NECAP2: variants seen among roughly 807,000 people sequenced by gnomAD.
NECAP2 encodes NECAP endocytosis associated 2.
A neutral mutation model predicts 37.8 loss-of-function variants in NECAP2; 38 were observed. The observed-to-expected ratio is 1.01, with a 90% CI of 0.78 to 1.32. The LOEUF (loss-of-function observed/expected upper bound fraction) is 1.32, where lower values mean the gene tolerates loss of function less well. NECAP2 is among the 40% of genes most tolerant of loss of function. The pLI is 0.00. For synonymous variants in NECAP2, 121 were observed against 127.7 expected, an observed-to-expected ratio of 0.95 and a Z score of 0.35; for missense variants, 316 against 334.5, an observed-to-expected ratio of 0.94 and a Z score of 0.43.
At chr1:16,449,418 A>C in intron 5 of NECAP2, 1 of 507,366 alleles carries the variant, frequency 2.0e-6, no homozygotes. Context: ...TGATAACAAC[A>C]TGGCAGGAAA....
At chr1:16,444,053 G>A (rs2086726491) in intron 2 of NECAP2, among the ~76,000 whole-genome samples, 1 of 152,208 alleles carries the variant, frequency 6.6e-6, no homozygotes, top group South Asian at 2.1e-4. Context: ...AAGACAGGCG[G>A]GTGAGGATGC....
intron 2 of NECAP2, 81 bp downstream of exon 2, chr1:16,443,813 T>A (rs1351726820): frequency 1.1e-5 from 12 of 1,082,914 alleles, no homozygotes; most frequent in Non-Finnish European, 1.7e-5. Flanking sequence ...CTGGCCAGGC[T>A]GCTCAGGGGT....
At chr1:16,455,018 C>T (rs944968477) in intron 6 of NECAP2, among the ~76,000 whole-genome samples, 2 of 152,178 alleles carry the variant, frequency 1.3e-5, no homozygotes, top group African/African-American at 4.8e-5. Context: ...TCCCTAGGGG[C>T]TGGGGTGAGG....
At chr1:16,452,192 C>T (rs901038802) in intron 6 of NECAP2, among the ~76,000 whole-genome samples, 177 bp downstream of exon 6, 1 of 152,220 alleles carries the variant, frequency 6.6e-6, no homozygotes, top group Non-Finnish European at 1.5e-5. Context: ...AGGGGCTCCT[C>T]CTACTTGGCC....
intron 1 of NECAP2, among the ~76,000 whole-genome samples, chr1:16,443,091 G>A (rs1557684716): frequency 6.6e-6 from 1 of 152,056 alleles, no homozygotes; most frequent in African/African-American, 2.4e-5. Flanking sequence ...TCAAATGGTC[G>A]CTCTGACTGC....
At chr1:16,442,604 T>G (rs1404280849) in intron 1 of NECAP2, among the ~76,000 whole-genome samples, 1 of 152,226 alleles carries the variant, frequency 6.6e-6, no homozygotes, top group Non-Finnish European at 1.5e-5. Flanking sequence ...GACCTTTTCT[T>G]AGAACTAAAA....
intron 2 of NECAP2, among the ~76,000 whole-genome samples, chr1:16,447,087 T>G (rs1237482006): frequency 6.8e-6 from 1 of 146,502 alleles, no homozygotes; most frequent in Non-Finnish European, 1.5e-5. Context: ...AAGGTATAAA[T>G]CAAATTCCTG....
intron 1 of NECAP2, 65 bp downstream of exon 1, chr1:16,440,918 C>A: frequency 1.4e-6 from 2 of 1,411,898 alleles, no homozygotes; most frequent in Non-Finnish European, 2.0e-6. Context: ...CCGGACACAC[C>A]CACTGCGGGA....
Position 16,459,163 on chromosome 1 carries a change from C to T in NECAP2, c.*273C>T. ...ATCTGTCCTCTTGATGTGAGAGAGA[C>T]TCTGAGACTTCTTCCATCGCAATGA... On this transcript the variant is annotated 3_prime_UTR_variant, in exon 8 of 8. Coordinates refer to ENST00000337132, the MANE Select transcript of NECAP2 (RefSeq NM_018090.5). 1 of 620,244 alleles carries T rather than the reference C, an allele frequency of 1.6e-6. No homozygotes were observed. The highest frequency in any genetic ancestry group is 3.1e-5 in the Admixed American group (1 of 31,930). 38.4% of individuals were successfully genotyped at this position (620,244 alleles called of 1,614,324 possible).
At chr1:16,442,229 C>T (rs535952409) in intron 1 of NECAP2, among the ~76,000 whole-genome samples, 9 of 152,234 alleles carry the variant, frequency 5.9e-5, no homozygotes, top group Non-Finnish European at 2.9e-5. Context: ...CCACTCGCCT[C>T]GGCCTCCCAA....
At chr1:16,448,359 G>A (rs1019235543) in intron 4 of NECAP2, 6 of 586,506 alleles carry the variant, frequency 1.0e-5, no homozygotes, top group South Asian at 4.0e-5. Context: ...CCCAGCCTTC[G>A]GGCCTGCCAC....
chr1:16,458,736 A>T, intron 7 of NECAP2, 106 bp from the exon 8 acceptor site: 1 of 1,143,510 alleles, frequency 8.7e-7, no homozygotes, highest in Non-Finnish European at 1.3e-6. Context: ...AACATTTAGG[A>T]ACTGGCTTCT....
At chr1:16,454,975 T>G (rs2086896464) in intron 6 of NECAP2, among the ~76,000 whole-genome samples, 1 of 152,214 alleles carries the variant, frequency 6.6e-6, no homozygotes, top group Non-Finnish European at 1.5e-5. Context: ...TGAAATGACC[T>G]GCACAGTCAC....
At position 16,452,029 on chromosome 1, in the gene NECAP2, G is replaced by T; in HGVS notation, c.667+14G>T. 6.4e-7 allele frequency: 1 copy of T among 1,552,654 alleles called. No homozygotes were observed. Among genetic ancestry groups the T allele is most frequent in the South Asian group, 1.2e-5 (1 of 80,686 alleles). On this transcript the variant is annotated intron_variant, in intron 6 of 7. Transcript: ENST00000337132. ...CTCCCAGTTCAGGTTAGTGCTCAGT[G>T]GGTGACTGCTGCATCAGTACCTGCC... is the stretch of plus-strand genomic sequence containing the variant.
intron 2 of NECAP2, among the ~76,000 whole-genome samples, chr1:16,447,214 C>T (rs929756925): frequency 3.9e-5 from 6 of 152,150 alleles, no homozygotes; most frequent in African/African-American, 1.2e-4. Context: ...GACGTCAGCA[C>T]ATGGGAAAAA....
intron 6 of NECAP2, among the ~76,000 whole-genome samples, chr1:16,453,098 C>G (rs1374654214): frequency 6.6e-6 from 1 of 151,368 alleles, no homozygotes; most frequent in Non-Finnish European, 1.5e-5. Flanking sequence ...CAAGAATCTG[C>G]ATTCTTGTGT....
At chr1:16,454,705 T>C (rs1315723214) in intron 6 of NECAP2, among the ~76,000 whole-genome samples, 2 of 152,214 alleles carry the variant, frequency 1.3e-5, no homozygotes, top group East Asian at 3.9e-4. Context: ...ATTTTTCTCA[T>C]CTGTAGGATA....
intron 2 of NECAP2, among the ~76,000 whole-genome samples, chr1:16,444,427 A>G (rs933103050): frequency 2.0e-5 from 3 of 152,188 alleles, no homozygotes; most frequent in African/African-American, 7.2e-5. Context: ...TGTAGAGCAG[A>G]AGAGAAAGTG....
At chr1:16,445,980 A>G (rs1433502930) in intron 2 of NECAP2, among the ~76,000 whole-genome samples, 2 of 152,048 alleles carry the variant, frequency 1.3e-5, no homozygotes, top group Non-Finnish European at 2.9e-5. Flanking sequence ...AGGCCAGTGC[A>G]GGCAGATCAC....
Sources: gnomAD v4.1 joint callset for allele counts (sites outside exome capture counted in the v4.1 genomes callset) on GRCh38, gnomAD v4.1.1 for gene constraint, MANE v1.5 for transcripts, NCBI Gene and HGNC (gene_info 2026-07-23, HGNC 2026-07-21) for gene names.